The following STXBP4 variants were observed in gnomAD, a reference collection of about 807,000 sequenced individuals.
STXBP4 encodes syntaxin-binding protein 4.
STXBP4 carries 55 observed loss-of-function variants against 76.1 expected under a neutral mutation model. The ratio of observed to expected loss-of-function variants is 0.72; its 90% CI spans 0.58 to 0.91. STXBP4 has a LOEUF of 0.91. STXBP4 is among the 40% of genes least tolerant of loss of function. The probability of loss-of-function intolerance (pLI) is 0.00; values close to 1 mark genes in which losing one functional copy is unlikely to be tolerated. For missense variants in STXBP4, 618 were observed against 636.9 expected, an observed-to-expected ratio of 0.97 and a Z score of 0.32; for synonymous variants, 201 against 220.2, an observed-to-expected ratio of 0.91 and a Z score of 0.77.
intron 1 of STXBP4, among the ~76,000 whole-genome samples, chr17:54,976,537 A>G (rs2077476941): frequency 6.6e-6 from 1 of 152,164 alleles, no homozygotes; most frequent in Non-Finnish European, 1.5e-5. Flanking sequence ...TTCAGCCATC[A>G]TGACTGCCTT....
At chr17:55,082,003 T>C (rs528549458) in intron 16 of STXBP4, among the ~76,000 whole-genome samples, 163 of 152,338 alleles carry the variant, frequency 1.1e-3, no homozygotes, top group Middle Eastern at 6.8e-3. Context: ...ACTTCTTACG[T>C]ACTCTTTATT....
At chr17:55,120,491 A>G (rs1052590960) in intron 16 of STXBP4, among the ~76,000 whole-genome samples, 9 of 152,236 alleles carry the variant, frequency 5.9e-5, no homozygotes, top group Non-Finnish European at 7.3e-5. Flanking sequence ...CAGAAGTCTG[A>G]GGTCATCAGA....
the STXBP4 span, among the ~76,000 whole-genome samples, chr17:55,200,723 A>G: frequency 2.0e-5 from 3 of 152,206 alleles, no homozygotes; most frequent in Non-Finnish European, 4.4e-5. Flanking sequence ...GATGATTTTC[A>G]GAGGAATCTA....
chr17:54,983,765 C>T (rs1357049569), intron 1 of STXBP4, among the ~76,000 whole-genome samples: 1 of 152,176 alleles, frequency 6.6e-6, no homozygotes, highest in Non-Finnish European at 1.5e-5. Flanking sequence ...TGAGAATCTG[C>T]TCCATGCGTG....
downstream of STXBP4, among the ~76,000 whole-genome samples, chr17:55,175,643 C>G (rs1466897784): frequency 6.6e-6 from 1 of 152,162 alleles, no homozygotes; most frequent in Non-Finnish European, 1.5e-5. Flanking sequence ...GAAGCTATCT[C>G]TCTGCTTTTA....
rs1412735066 is a variant in STXBP4 at position 55,146,055 on chromosome 17, ATTCCAC to A, written c.1547+4691_1547+4696del. 3.3e-5 allele frequency among the ~76,000 whole-genome samples: 5 copies of A among 152,286 alleles called. No homozygotes were observed. In the East Asian group the frequency reaches 9.7e-4, roughly 29 times the overall value. On this transcript the variant is annotated intron_variant, in intron 17 of 17. Transcript: ENST00000376352. Reference sequence around the variant, plus strand: ...CAGATTTATAGTAGTCTTTGGTATGATTCCACTTAAAAGTTCACATGCTTTATACAT... The same window carrying A: ...CAGATTTATAGTAGTCTTTGGTATGATTAAAAGTTCACATGCTTTATACAT...
chr17:55,090,303 C>A (rs1030192537), intron 16 of STXBP4, among the ~76,000 whole-genome samples: 1 of 152,006 alleles, frequency 6.6e-6, no homozygotes, highest in African/African-American at 2.4e-5. Context: ...CTGACAGACA[C>A]TGGGGCATAC....
At chr17:55,187,620 GCTT>G in the STXBP4 span, among the ~76,000 whole-genome samples, 2 of 152,112 alleles carry the variant, frequency 1.3e-5, no homozygotes, top group Non-Finnish European at 2.9e-5. Context: ...CGCTGACAAA[GCTT>G]CCTCCCAAGG....
intron 12 of STXBP4, among the ~76,000 whole-genome samples, chr17:55,056,700 T>G (rs1034694518): frequency 6.6e-6 from 1 of 151,998 alleles, no homozygotes; most frequent in African/African-American, 2.4e-5. Context: ...AGAACCTGTC[T>G]CAAAAACAAA....
the STXBP4 span, among the ~76,000 whole-genome samples, chr17:55,192,898 A>G: frequency 1.1e-4 from 17 of 152,314 alleles, no homozygotes; most frequent in East Asian, 2.9e-3. Flanking sequence ...GAGGAAACTG[A>G]CAGTCTGAGA....
At chr17:55,147,041 ATCT>A (rs955969158) in intron 17 of STXBP4, among the ~76,000 whole-genome samples, 3 of 152,246 alleles carry the variant, frequency 2.0e-5, no homozygotes, top group African/African-American at 7.2e-5. Context: ...ATTGGGAACC[ATCT>A]TAGAGCATGC....
chr17:55,001,925 C>T (rs78136893), intron 7 of STXBP4, among the ~76,000 whole-genome samples: 2 of 152,108 alleles, frequency 1.3e-5, no homozygotes, highest in African/African-American at 4.8e-5. Context: ...AGCCACCGCT[C>T]GTGCCTGGCT....
At chr17:55,088,935 G>A (rs1280955180) in intron 16 of STXBP4, among the ~76,000 whole-genome samples, 1 of 152,174 alleles carries the variant, frequency 6.6e-6, no homozygotes, top group East Asian at 1.9e-4. Flanking sequence ...AATCATAGAG[G>A]CAGCCTGGAA....
chr17:55,152,936 T>C (rs1396666809), intron 17 of STXBP4, among the ~76,000 whole-genome samples: 4 of 152,170 alleles, frequency 2.6e-5, no homozygotes, highest in African/African-American at 9.7e-5. Context: ...TTTCAGATGG[T>C]CACTTAATCC....
chr17:55,016,967 C>T (rs1023139858), intron 8 of STXBP4, among the ~76,000 whole-genome samples: 3 of 152,046 alleles, frequency 2.0e-5, no homozygotes, highest in Non-Finnish European at 4.4e-5. Context: ...CTGGGCCGTC[C>T]GTGGGTTACT....
At chr17:55,136,099 A>G (rs1338830633) in intron 16 of STXBP4, among the ~76,000 whole-genome samples, 1 of 152,176 alleles carries the variant, frequency 6.6e-6, no homozygotes, top group East Asian at 1.9e-4. Flanking sequence ...AATTGTTGTG[A>G]TGTACAATGA....
intron 1 of STXBP4, among the ~76,000 whole-genome samples, chr17:54,983,616 C>CTTTTCT (rs1555620278): frequency 0.014 from 2,101 of 150,210 alleles, 46 homozygotes; most frequent in African/African-American, 0.047. Context: ...CATTTCTTTT[C>CTTTTCT]TTTTTTTTTT....
chr17:55,053,537 G>A (rs1051141688), intron 12 of STXBP4, among the ~76,000 whole-genome samples: 7 of 152,070 alleles, frequency 4.6e-5, no homozygotes, highest in Non-Finnish European at 8.8e-5. Flanking sequence ...GATGAACCTG[G>A]GGAATTAGGT....
chr17:55,043,725 C>T lies in STXBP4; in HGVS notation c.945+400C>T, dbSNP rs187624419. The T allele has an allele frequency of 6.2e-5, 81 of 1,313,086 alleles. No individual in the cohort carries two copies. The Admixed American group carries it at 8.9e-4, about 14-fold the overall frequency. The allele number at this position is 1,313,086 out of a possible 1,614,324, so 81.3% of individuals were successfully genotyped here. On this transcript the variant is annotated intron_variant, in intron 11 of 17. Transcript: ENST00000376352. Reference sequence around the variant, plus strand: ...CATGTGCAGGGCTATTCTTAAGGGACATCATGTTTTGCTAACGTAATTTGG... The same window carrying T: ...CATGTGCAGGGCTATTCTTAAGGGATATCATGTTTTGCTAACGTAATTTGG...
Sources: allele counts gnomAD v4.1 joint callset (sites outside exome capture counted in the v4.1 genomes callset), GRCh38; gene constraint gnomAD v4.1.1; transcripts MANE v1.5; gene names NCBI Gene and HGNC (gene_info 2026-07-23, HGNC 2026-07-21).